TRIM27: variants seen among roughly 807,000 people sequenced by gnomAD.
TRIM27 encodes the protein zinc finger protein RFP.
Under a neutral mutation model 57.6 loss-of-function variants are expected in TRIM27, and 12 were observed. That is an observed-to-expected ratio of 0.21 (90% CI 0.13 to 0.34). TRIM27 has a LOEUF of 0.34. TRIM27 is among the 10% of genes least tolerant of loss of function. TRIM27 has a pLI of 1.00. For missense variants in TRIM27, 403 were observed against 656.8 expected, an observed-to-expected ratio of 0.61 and a Z score of 4.22; for synonymous variants, 266 against 259.0, an observed-to-expected ratio of 1.03 and a Z score of -0.26.
chr6:28,912,959 T>G (rs1339999538), intron 3 of TRIM27, among the ~76,000 whole-genome samples: 15 of 152,062 alleles, frequency 9.9e-5, no homozygotes, highest in Non-Finnish European at 1.5e-5. Flanking sequence ...TCTAGTCACT[T>G]TGGACTATAA....
rs2150456136 is a variant in TRIM27, at chr6:28,904,716, T to G, written c.947-51A>C. On this transcript the variant is annotated intron_variant, in intron 7 of 7. Coordinates refer to ENST00000377199, the MANE Select transcript of TRIM27 (RefSeq NM_006510.5). The surrounding 1 kb of genome is among the most constrained non-coding windows in gnomAD (Gnocchi z 6.1). Reference sequence around the variant, plus strand: ...AGCCGTGGGCCAGGAGAGCCTATTTTAGAACACCCAGCGCCTTTCTACTAC... The same window carrying G: ...AGCCGTGGGCCAGGAGAGCCTATTTGAGAACACCCAGCGCCTTTCTACTAC... The G allele has an allele frequency of 1.4e-6, 2 of 1,451,978 alleles. No individual in the cohort carries two copies. Among genetic ancestry groups the G allele is most frequent in the Non-Finnish European group, 1.9e-6 (2 of 1,074,836 alleles). The allele number at this position is 1,451,978 out of a possible 1,614,324, so 89.9% of individuals were successfully genotyped here.
chr6:28,912,551 A>G (rs1773285928), intron 3 of TRIM27, among the ~76,000 whole-genome samples: 1 of 152,038 alleles, frequency 6.6e-6, no homozygotes, highest in African/African-American at 2.4e-5. Flanking sequence ...CCACAAAGCA[A>G]TATATACTGA....
Position 28,911,738 on chromosome 6 carries a change from A to C in TRIM27, c.748-20T>G. The C allele has an allele frequency of 6.2e-7, 1 of 1,610,962 alleles. No homozygotes were observed. Among genetic ancestry groups the C allele is most frequent in the Non-Finnish European group, 8.5e-7 (1 of 1,179,114 alleles). ...AATGTCCTGCAAGAGAAAGGAAAAA[A>C]AATAACCATGAGAAGTCATTTAAAA... On this transcript the variant is annotated intron_variant, in intron 3 of 7. Coordinates refer to ENST00000377199, the MANE Select transcript of TRIM27 (RefSeq NM_006510.5).
At chr6:28,908,257 G>C (rs1772924565) in intron 6 of TRIM27, 1 of 154,692 alleles carries the variant, frequency 6.5e-6, no homozygotes, top group East Asian at 1.9e-4. Flanking sequence ...ACCTCAGGAG[G>C]TAAGAACTAT....
At chr6:28,914,079 T>C (rs1487435458) in intron 3 of TRIM27, among the ~76,000 whole-genome samples, 1 of 148,520 alleles carries the variant, frequency 6.7e-6, no homozygotes, top group Non-Finnish European at 1.5e-5. Flanking sequence ...TGGAGTGCAG[T>C]GGTGCAATCA....
chr6:28,905,717 T>C (rs1772720753), intron 7 of TRIM27: 1 of 152,176 alleles, frequency 6.6e-6, no homozygotes, highest in Admixed American at 6.5e-5. Context: ...CTTTTATCCA[T>C]TCTATAAGAT....
At chr6:28,911,996 C>T (rs746348185) in intron 3 of TRIM27, among the ~76,000 whole-genome samples, 3 of 152,154 alleles carry the variant, frequency 2.0e-5, no homozygotes, top group African/African-American at 7.2e-5. Flanking sequence ...CTAACTTAAG[C>T]GTCCTATGAT....
chr6:28,922,053 T>G, intron 1 of TRIM27, 66 bp from the exon 2 acceptor site: 1 of 1,204,390 alleles, frequency 8.3e-7, no homozygotes, highest in South Asian at 1.2e-5. Context: ...ATGGTACTTC[T>G]TATCACACAT....
intron 4 of TRIM27, 83 bp from the exon 5 acceptor site, chr6:28,909,171 C>T: frequency 1.1e-6 from 1 of 939,782 alleles, no homozygotes; most frequent in Non-Finnish European, 1.6e-6. Context: ...GCAATGGCGC[C>T]ATCTCGGCCC....
chr6:28,923,134 C>A (rs1007535193), intron 1 of TRIM27, 79 bp downstream of exon 1: 32 of 1,418,878 alleles, frequency 2.3e-5, no homozygotes, highest in Admixed American at 5.4e-5. Flanking sequence ...ATTTTCTAGG[C>A]GGAAAAAAGG....
At chr6:28,909,227 C>A in intron 4 of TRIM27, 139 bp from the exon 5 acceptor site, 1 of 629,228 alleles carries the variant, frequency 1.6e-6, no homozygotes, top group Middle Eastern at 3.9e-4. Context: ...CCTGCCTCAG[C>A]CTCCTGAGTA....
Position 28,903,947 on chromosome 6 carries a change from C to T in TRIM27, c.*123G>A. 1.4e-6 allele frequency: 1 copy of T among 730,634 alleles called. No homozygotes were observed. The highest frequency in any genetic ancestry group is 2.4e-6 in the Non-Finnish European group (1 of 425,232). 45.3% of individuals were successfully genotyped at this position (730,634 alleles called of 1,614,324 possible). A position where few individuals can be genotyped will look rare whatever the true frequency, so the allele number is the denominator to read the frequency against. On this transcript the variant is annotated 3_prime_UTR_variant, in exon 8 of 8. Coordinates refer to ENST00000377199, the MANE Select transcript of TRIM27 (RefSeq NM_006510.5). ...TAGAGAACATGGACATCCTGTCTCC[C>T]ACTGCAAGGGCGTGGAACATGGTAA...
At chr6:28,920,958 G>A (rs760391080) in intron 2 of TRIM27, among the ~76,000 whole-genome samples, 3 of 152,112 alleles carry the variant, frequency 2.0e-5, no homozygotes, top group African/African-American at 4.8e-5. Flanking sequence ...TCTAGCTTTG[G>A]GTAGGAGGGG....
intron 1 of TRIM27, among the ~76,000 whole-genome samples, 179 bp from the exon 2 acceptor site, chr6:28,922,166 T>C (rs1774094169): frequency 6.6e-6 from 1 of 152,200 alleles, no homozygotes; most frequent in Admixed American, 6.5e-5. Flanking sequence ...AGCCACTCCT[T>C]TGGCAATCTG....
At chr6:28,921,656 G>T (rs1378230333) in intron 2 of TRIM27, among the ~76,000 whole-genome samples, 3 of 152,120 alleles carry the variant, frequency 2.0e-5, no homozygotes, top group African/African-American at 7.2e-5. Flanking sequence ...CAGTTAGCAG[G>T]TTAAAGTAAA....
intron 6 of TRIM27, 31 bp downstream of exon 6, chr6:28,908,777 C>T: frequency 6.2e-7 from 1 of 1,611,404 alleles, no homozygotes; most frequent in Non-Finnish European, 8.5e-7. Flanking sequence ...AGCAACTTTA[C>T]ATCAAAAGCC....
chr6:28,920,519 G>A (rs1178344749), intron 2 of TRIM27, among the ~76,000 whole-genome samples: 2 of 152,056 alleles, frequency 1.3e-5, no homozygotes, highest in Non-Finnish European at 2.9e-5. Context: ...TTAAAGATAG[G>A]GTGACAGCCT....
In TRIM27 at chr6:28,904,411, C is replaced by G; in HGVS notation, c.1201G>C (p.Ala401Pro). Residue 401 changes from alanine (A) to proline (P), a missense_variant, in exon 8 of 8, where the codon GCC (alanine) becomes CCC (proline). Ala to Pro is a conservative substitution (Grantham distance 27). Coordinates refer to ENST00000377199, the MANE Select transcript of TRIM27 (RefSeq NM_006510.5). The surrounding 1 kb of genome is among the most constrained non-coding windows in gnomAD (Gnocchi z 6.1). ...SVCRKGGVTS[A>P]PQNGFWAVSL... Reference sequence around the variant, plus strand: ...ACTGCCCAGAATCCATTCTGGGGGGCTGAGGTTACTCCACCTTTTCTGCAC... The same window carrying G: ...ACTGCCCAGAATCCATTCTGGGGGGGTGAGGTTACTCCACCTTTTCTGCAC... 6.2e-7 allele frequency: 1 copy of G among 1,613,064 alleles called. No individual in the cohort carries two copies. Among genetic ancestry groups the G allele is most frequent in the Non-Finnish European group, 8.5e-7 (1 of 1,180,030 alleles).
chr6:28,920,673 G>A (rs1773955252), intron 2 of TRIM27, among the ~76,000 whole-genome samples: 1 of 152,136 alleles, frequency 6.6e-6, no homozygotes, highest in Non-Finnish European at 1.5e-5. Flanking sequence ...GGGAGAGAAA[G>A]CAAATGGTGC....
Sources: allele counts gnomAD v4.1 joint callset (sites outside exome capture counted in the v4.1 genomes callset), GRCh38; gene constraint gnomAD v4.1.1; non-coding constraint Gnocchi (gnomAD v3.1); transcripts MANE v1.5; gene names NCBI Gene and HGNC (gene_info 2026-07-23, HGNC 2026-07-21).